Variants in FGF14 observed in about 807,000 individuals in gnomAD.
The protein encoded by FGF14 is fibroblast growth factor homologous factor 4.
In FGF14, 5 loss-of-function variants were observed where a neutral mutation model predicts 25.5. The ratio of observed to expected loss-of-function variants is 0.20; its 90% CI spans 0.10 to 0.41. FGF14 has a LOEUF of 0.41. FGF14 is among the 10% of genes least tolerant of loss of function. FGF14 has a pLI of 1.00. For missense variants in FGF14, 222 were observed against 320.1 expected, an observed-to-expected ratio of 0.69 and a Z score of 2.34; for synonymous variants, 138 against 118.3, an observed-to-expected ratio of 1.17 and a Z score of -1.08.
intron 1 of FGF14, among the ~76,000 whole-genome samples, chr13:101,921,960 C>T (rs528154540): frequency 6.6e-6 from 1 of 152,334 alleles, no homozygotes; most frequent in South Asian, 2.1e-4. Flanking sequence ...TTTAAAATTT[C>T]CATGTACTTT....
chr13:102,017,071 GT>G (rs147578737), intron 1 of FGF14: 5,621 of 162,880 alleles, frequency 0.035, 325 homozygotes, highest in African/African-American at 0.13. Context: ...AGACCAGCCT[GT>G]TTTTTTTAAC....
chr13:101,989,428 C>A (rs915538910), intron 1 of FGF14, among the ~76,000 whole-genome samples: 1 of 151,928 alleles, frequency 6.6e-6, no homozygotes, highest in African/African-American at 2.4e-5. Flanking sequence ...GAATAATGTA[C>A]ATTTTGTTTC....
intron 1 of FGF14, among the ~76,000 whole-genome samples, chr13:102,312,422 G>A (rs1282874184): frequency 6.6e-6 from 1 of 152,106 alleles, no homozygotes; most frequent in Non-Finnish European, 1.5e-5. Context: ...ATTTATTACT[G>A]TTTACCAAGG....
At chr13:102,060,264 G>C (rs1595139675) in intron 1 of FGF14, among the ~76,000 whole-genome samples, 1 of 152,158 alleles carries the variant, frequency 6.6e-6, no homozygotes, top group African/African-American at 2.4e-5. Context: ...GGTGGCTCAC[G>C]CCTGTAATCC....
At chr13:101,891,190 C>T (rs994260380) in intron 1 of FGF14, among the ~76,000 whole-genome samples, 1 of 152,174 alleles carries the variant, frequency 6.6e-6, no homozygotes, top group South Asian at 2.1e-4. Flanking sequence ...AGGAGACCCA[C>T]TACCCTTTGC....
chr13:102,346,573 T>C (rs569785754), intron 1 of FGF14, among the ~76,000 whole-genome samples: 1 of 151,916 alleles, frequency 6.6e-6, no homozygotes, highest in Non-Finnish European at 1.5e-5. Context: ...TATTTATATA[T>C]ATAGAGAGAG....
chr13:102,122,672 C>T (rs550603463), intron 1 of FGF14, among the ~76,000 whole-genome samples: 2 of 152,264 alleles, frequency 1.3e-5, no homozygotes, highest in South Asian at 2.1e-4. Context: ...ACATGCCCTA[C>T]ATGGCATTTT....
rs551684252 is a variant in FGF14 at position 102,365,448 on chromosome 13, T to C, written c.208+36023A>G. Among the ~76,000 whole-genome samples, 3 of 152,352 alleles carry C rather than the reference T, an allele frequency of 2.0e-5. No homozygotes were observed. In the East Asian group the frequency reaches 5.8e-4, roughly 29 times the overall value. On this transcript the variant is annotated intron_variant, in intron 1 of 4. Transcript: ENST00000376131. ...GGTTTCTTCATTTACAAAACGGCGA[T>C]AATAATTCCTGCTGCAGCCACCCCT...
At chr13:102,124,857 T>C (rs1342422957) in intron 1 of FGF14, among the ~76,000 whole-genome samples, 1 of 152,154 alleles carries the variant, frequency 6.6e-6, no homozygotes, top group African/African-American at 2.4e-5. Context: ...CTTATGATGG[T>C]ATATAAAATT....
At chr13:102,255,117 C>G (rs573327128) in intron 1 of FGF14, among the ~76,000 whole-genome samples, 15 of 152,184 alleles carry the variant, frequency 9.9e-5, no homozygotes, top group Non-Finnish European at 2.2e-4. Flanking sequence ...AAAGATAATG[C>G]AGACCACCTC....
At position 101,916,895 on chromosome 13, in the gene FGF14, G is replaced by C. The variant is rs562120437; in HGVS notation, c.-250C>G. Among the ~76,000 whole-genome samples the C allele has an allele frequency of 2.4e-3, 359 of 152,150 alleles. 3 individuals are homozygous for C. The highest frequency in any genetic ancestry group is 8.1e-3 in the African/African-American group (337 of 41,556). Reference sequence around the variant, plus strand: ...GGACGATCCCGGGAAGCCGGACGTCGTGGCCGCCGCCGCTTGGCCACGTCC... The same window carrying C: ...GGACGATCCCGGGAAGCCGGACGTCCTGGCCGCCGCCGCTTGGCCACGTCC... On this transcript the variant is annotated 5_prime_UTR_variant, in exon 1 of 5. Transcript: ENST00000376143.
chr13:102,243,203 G>C (rs2051689428), intron 1 of FGF14, among the ~76,000 whole-genome samples: 1 of 152,008 alleles, frequency 6.6e-6, no homozygotes, highest in Admixed American at 6.6e-5. Flanking sequence ...AGAATAAATT[G>C]GTTGAACTAC....
At chr13:102,287,856 A>G (rs8000905) in intron 1 of FGF14, among the ~76,000 whole-genome samples, 111,328 of 152,126 alleles carry the variant, frequency 0.73, 40,899 homozygotes, top group East Asian at 0.82. Flanking sequence ...CACAGCAGAA[A>G]CTCTCTAATC....
intron 3 of FGF14, among the ~76,000 whole-genome samples, chr13:101,849,090 T>C (rs2043613063): frequency 6.6e-6 from 1 of 152,110 alleles, no homozygotes; most frequent in Non-Finnish European, 1.5e-5. Context: ...GACATTTTTG[T>C]AGTGCTGATT....
intron 3 of FGF14, among the ~76,000 whole-genome samples, chr13:101,814,714 GTTT>G (rs943074086): frequency 1.9e-4 from 29 of 152,242 alleles, no homozygotes; most frequent in African/African-American, 6.7e-4. Flanking sequence ...CCAGCATAAT[GTTT>G]TTGAGGTAAA....
Position 102,015,550 on chromosome 13 carries a change from T to C in FGF14, c.209-140254A>G, listed in dbSNP as rs143852295. ...AGTAAATTCTTTTCAAGAAAATTCA[T>C]GGTAGGCTGTTTCTAAGTGTTCACT... On this transcript the variant is annotated intron_variant, in intron 1 of 4. Coordinates refer to the FGF14 transcript ENST00000376131. Among the ~76,000 whole-genome samples the C allele has an allele frequency of 4.8e-4, 73 of 152,310 alleles. No individual in the cohort carries two copies. In the Middle Eastern group the frequency reaches 0.014, roughly 28 times the overall value.
At chr13:102,141,900 T>A (rs542810783) in intron 1 of FGF14, among the ~76,000 whole-genome samples, 9 of 152,214 alleles carry the variant, frequency 5.9e-5, no homozygotes, top group Non-Finnish European at 1.2e-4. Context: ...AGTTAAGATA[T>A]GTAGATATGC....
At chr13:102,101,126 G>A (rs1028787540) in intron 1 of FGF14, among the ~76,000 whole-genome samples, 5 of 150,990 alleles carry the variant, frequency 3.3e-5, no homozygotes, top group African/African-American at 4.9e-5. Flanking sequence ...AAAAAAAAAA[G>A]GTAAAGTGAC....
At chr13:101,937,687 C>A (rs1442275970) in intron 1 of FGF14, among the ~76,000 whole-genome samples, 1 of 152,172 alleles carries the variant, frequency 6.6e-6, no homozygotes, top group South Asian at 2.1e-4. Flanking sequence ...CTCTGCCTCC[C>A]GGATTCAAGC....
Sources: allele counts gnomAD v4.1 joint callset (sites outside exome capture counted in the v4.1 genomes callset), GRCh38; gene constraint gnomAD v4.1.1; transcripts MANE v1.5; gene names NCBI Gene and HGNC (gene_info 2026-07-23, HGNC 2026-07-21).